Variants in IQCM observed in about 807,000 individuals in gnomAD.
IQCM encodes the protein IQ motif containing M.
Under a neutral mutation model 57.6 loss-of-function variants are expected in IQCM, and 45 were observed. The ratio of observed to expected loss-of-function variants is 0.78; its 90% CI spans 0.62 to 1.00. IQCM has a LOEUF of 1.00. Ranked by LOEUF, IQCM falls within the 50% of genes least tolerant of loss-of-function variation. The pLI, the probability that IQCM is intolerant of heterozygous loss-of-function variation, is 0.00. For synonymous variants in IQCM, 148 were observed against 158.9 expected (o/e 0.93, Z 0.51); for missense variants, 468 against 511.6 (o/e 0.91, Z 0.82).
At chr4:149,472,957 T>G (rs1560884721) in intron 12 of IQCM, among the ~76,000 whole-genome samples, 2 of 152,196 alleles carry the variant, frequency 1.3e-5, no homozygotes, top group Non-Finnish European at 2.9e-5. Flanking sequence ...CCTTACACCT[T>G]ATACAAAAAT....
At chr4:149,456,698 C>T (rs1701942307) in intron 12 of IQCM, among the ~76,000 whole-genome samples, 1 of 151,838 alleles carries the variant, frequency 6.6e-6, no homozygotes, top group Admixed American at 6.6e-5. Flanking sequence ...GGAGAGAATC[C>T]CTCTCATGAG....
At chr4:149,597,430 G>A (rs567052901) in intron 8 of IQCM, among the ~76,000 whole-genome samples, 23 of 152,204 alleles carry the variant, frequency 1.5e-4, no homozygotes, top group African/African-American at 5.3e-4. Context: ...TCGCTCTGCT[G>A]CCCAGGCTGG....
At position 149,663,474 on chromosome 4, in the gene IQCM, C is replaced by A. The variant is rs182515448; in HGVS notation, c.565+18644G>T. ...ATTCCCTTAAGCATTTCTTGTAAGG[C>A]TAGGCTAGTGATGAATTCCCTCAGC... is the stretch of plus-strand genomic sequence containing the variant. On this transcript the variant is annotated intron_variant, in intron 7 of 13. Transcript: ENST00000636793. Among the ~76,000 whole-genome samples, 233 of 152,122 alleles carry A rather than the reference C, an allele frequency of 1.5e-3. 2 individuals carry two copies. Among genetic ancestry groups the A allele is most frequent in the Middle Eastern group, 0.01 (3 of 294 alleles).
intron 5 of IQCM, among the ~76,000 whole-genome samples, chr4:149,725,146 A>C (rs1217009214): frequency 6.6e-6 from 1 of 152,316 alleles, no homozygotes; most frequent in Middle Eastern, 3.4e-3. Flanking sequence ...GTATTCTTTA[A>C]GTTGATATCC....
At chr4:149,369,613 A>G (rs1730223043) in intron 13 of IQCM, among the ~76,000 whole-genome samples, 1 of 152,186 alleles carries the variant, frequency 6.6e-6, no homozygotes, top group Non-Finnish European at 1.5e-5. Context: ...ACTTTATTTT[A>G]ACTATGTTAG....
At chr4:149,694,214 A>C (rs1031703558) in intron 5 of IQCM, among the ~76,000 whole-genome samples, 3 of 140,066 alleles carry the variant, frequency 2.1e-5, no homozygotes, top group Non-Finnish European at 4.6e-5. Flanking sequence ...CCATGGATTA[A>C]TTTCTTTTTT....
intron 8 of IQCM, among the ~76,000 whole-genome samples, chr4:149,619,896 C>T (rs937802852): frequency 2.6e-5 from 4 of 152,088 alleles, no homozygotes; most frequent in African/African-American, 7.2e-5. Flanking sequence ...GTGGCTGACA[C>T]CTGTAATCCC....
intron 12 of IQCM, among the ~76,000 whole-genome samples, chr4:149,516,165 T>C (rs1421440107): frequency 6.6e-6 from 1 of 152,228 alleles, no homozygotes; most frequent in Non-Finnish European, 1.5e-5. Flanking sequence ...GTCCTCGATA[T>C]GGCACCACTC....
At chr4:149,473,695 T>A (rs1013309875) in intron 12 of IQCM, among the ~76,000 whole-genome samples, 1 of 152,156 alleles carries the variant, frequency 6.6e-6, no homozygotes, top group African/African-American at 2.4e-5. Context: ...TTATGGCACT[T>A]TTCACAATAG....
At chr4:149,392,798 C>T (rs1731958905) in intron 13 of IQCM, among the ~76,000 whole-genome samples, 2 of 151,952 alleles carry the variant, frequency 1.3e-5, no homozygotes, top group Admixed American at 6.6e-5. Flanking sequence ...AGGACTTACT[C>T]TCAAGAACTT....
chr4:149,719,477 G>A (rs1485097580), intron 5 of IQCM, among the ~76,000 whole-genome samples: 3 of 152,188 alleles, frequency 2.0e-5, no homozygotes, highest in African/African-American at 7.2e-5. Context: ...TTGAGCCTGG[G>A]AAGTTGAAAT....
chr4:149,558,037 T>C (rs927603860), intron 10 of IQCM, among the ~76,000 whole-genome samples: 1 of 152,226 alleles, frequency 6.6e-6, no homozygotes, highest in African/African-American at 2.4e-5. Flanking sequence ...CACTTTTCCT[T>C]GTACTGCCTT....
chr4:149,432,962 C>T (rs1263348898), intron 13 of IQCM, among the ~76,000 whole-genome samples: 2 of 151,966 alleles, frequency 1.3e-5, no homozygotes, highest in Non-Finnish European at 1.5e-5. Context: ...ATTAGAAAGA[C>T]TGATTGTACC....
chr4:149,541,360 G>A (rs1312634723), intron 12 of IQCM, among the ~76,000 whole-genome samples: 1 of 151,968 alleles, frequency 6.6e-6, no homozygotes, highest in Non-Finnish European at 1.5e-5. Flanking sequence ...TAAGATTTTT[G>A]TCTAGGGCTC....
chr4:149,391,769 A>C (rs867332576), intron 13 of IQCM, among the ~76,000 whole-genome samples: 1 of 151,994 alleles, frequency 6.6e-6, no homozygotes, highest in South Asian at 2.1e-4. Context: ...TTTATTTTCC[A>C]CATAATATGA....
At chr4:149,443,614 G>A (rs1385747754) in intron 12 of IQCM, among the ~76,000 whole-genome samples, 4 of 147,508 alleles carry the variant, frequency 2.7e-5, no homozygotes, top group Middle Eastern at 3.6e-3. Flanking sequence ...AAAATAGAGC[G>A]CAATAAAATT....
chr4:149,770,955 A>G (rs998651834), intron 2 of IQCM, among the ~76,000 whole-genome samples: 6 of 152,054 alleles, frequency 3.9e-5, no homozygotes, highest in African/African-American at 1.4e-4. Flanking sequence ...AGAAAATGAA[A>G]CGAAAGACAT....
chr4:149,398,372 A>G (rs940817889), intron 13 of IQCM, among the ~76,000 whole-genome samples: 1 of 152,056 alleles, frequency 6.6e-6, no homozygotes, highest in Non-Finnish European at 1.5e-5. Flanking sequence ...TATGAATTAT[A>G]GAATTTTTTT....
At chr4:149,482,863 T>C (rs2149756620) in intron 12 of IQCM, among the ~76,000 whole-genome samples, 1 of 151,948 alleles carries the variant, frequency 6.6e-6, no homozygotes, top group South Asian at 2.1e-4. Context: ...TTTTTTAATG[T>C]TTGGTATAAT....
Sources: gnomAD v4.1 joint callset for allele counts (sites outside exome capture counted in the v4.1 genomes callset) on GRCh38, gnomAD v4.1.1 for gene constraint, MANE v1.5 for transcripts, NCBI Gene and HGNC (gene_info 2026-07-23, HGNC 2026-07-21) for gene names.